GSTK1: variants seen among roughly 807,000 people sequenced by gnomAD.
GSTK1 encodes GST class-kappa.
A neutral mutation model predicts 30.9 loss-of-function variants in GSTK1; 25 were observed. The observed-to-expected ratio is 0.81, with a 90% CI of 0.59 to 1.13. The LOEUF (loss-of-function observed/expected upper bound fraction) is 1.13, where lower values mean the gene tolerates loss of function less well. Among genes scored for constraint, GSTK1 ranks in the 50% most tolerant of loss-of-function variants. The pLI, the probability that GSTK1 is intolerant of heterozygous loss-of-function variation, is 0.00. For missense variants in GSTK1, 292 were observed against 292.4 expected (o/e 1.00, Z 0.01); for synonymous variants, 108 against 112.5 (o/e 0.96, Z 0.25).
Position 143,268,957 on chromosome 7 carries a change from C to A in GSTK1, c.*120C>A. 1 of 851,896 alleles carries A rather than the reference C, an allele frequency of 1.2e-6. No individual in the cohort carries two copies. The highest frequency in any genetic ancestry group is 2.0e-6 in the Non-Finnish European group (1 of 511,162). 52.8% of individuals were successfully genotyped at this position (851,896 alleles called of 1,614,324 possible). On this transcript the variant is annotated 3_prime_UTR_variant, in exon 8 of 8. Coordinates refer to ENST00000358406, the MANE Select transcript of GSTK1 (RefSeq NM_015917.3). This position sits in a 1 kb window ranked among gnomAD's most constrained non-coding sequence, Gnocchi z 4.1. ...TATCTGATAGAGGTATTTTCTGTGG[C>A]CCTGGGAGCTGTCTGTCTTTCCCCT...
Position 143,267,716 on chromosome 7 carries a change from G to A in GSTK1, c.520G>A (p.Ala174Thr). 1.2e-6 allele frequency: 2 copies of A among 1,612,516 alleles called. No individual in the cohort carries two copies. The highest frequency in any genetic ancestry group is 1.7e-6 in the Non-Finnish European group (2 of 1,178,754). Residue 174 changes from alanine (A) to threonine (T), a missense_variant, in exon 6 of 8, where the codon GCA becomes ACA. Ala to Thr is a moderately conservative substitution (Grantham distance 58). Coordinates refer to ENST00000358406, the MANE Select transcript of GSTK1 (RefSeq NM_015917.3). ...VKNQLKETTEAACRYGAFGLP... is the reference protein window; with the variant it reads ...VKNQLKETTETACRYGAFGLP... ...GAACCAGCTCAAGGAGACCACTGAG[G>A]CAGCCTGCAGATACGGAGTGAGCAG...
intron 5 of GSTK1, among the ~76,000 whole-genome samples, chr7:143,266,254 C>A (rs979358374): frequency 3.3e-5 from 5 of 151,886 alleles, no homozygotes; most frequent in Admixed American, 6.6e-5. Flanking sequence ...TGGTCTCAAA[C>A]TCCTGTGCTC....
At chr7:143,264,337 G>C (rs1206047877) in intron 2 of GSTK1, 170 bp downstream of exon 2, 1 of 760,988 alleles carries the variant, frequency 1.3e-6, no homozygotes, top group African/African-American at 1.7e-5. Flanking sequence ...ACAGCTACTC[G>C]GGAGGCTGAG....
chr7:143,263,447 TG>T lies in GSTK1; in HGVS notation c.-64del. The T allele has an allele frequency of 6.9e-7, 1 of 1,450,768 alleles. No homozygotes were observed. The highest frequency in any genetic ancestry group is 1.1e-5 in the South Asian group (1 of 87,936). The allele number at this position is 1,450,768 out of a possible 1,614,324, so 89.9% of individuals were successfully genotyped here. On this transcript the variant is annotated 5_prime_UTR_variant, in exon 1 of 8. Coordinates refer to ENST00000358406, the MANE Select transcript of GSTK1 (RefSeq NM_015917.3). ...GGCGGTCCCAGGCAGGCCCAGAAGC[TG>T]GGCAGCCTCTGCCGGGTTCCGGGAA... is the stretch of plus-strand genomic sequence containing the variant.
chr7:143,268,701 A>G lies in GSTK1; in HGVS notation c.632-87A>G. 1.2e-5 allele frequency: 15 copies of G among 1,215,126 alleles called. No individual in the cohort carries two copies. Among genetic ancestry groups the G allele is most frequent in the Non-Finnish European group, 1.7e-5 (14 of 823,500 alleles). 75.3% of individuals were successfully genotyped at this position (1,215,126 alleles called of 1,614,324 possible). ...CTTGAAGCCAAGCAAAAGTCTTTCT[A>G]GAAAACCCCTGGGACCTTGTGGGAC... is the stretch of plus-strand genomic sequence containing the variant. On this transcript the variant is annotated intron_variant, in intron 7 of 7. Coordinates refer to ENST00000358406, the MANE Select transcript of GSTK1 (RefSeq NM_015917.3). The surrounding 1 kb of genome is among the most constrained non-coding windows in gnomAD (Gnocchi z 4.1).
At chr7:143,265,228 C>A (rs1271132290) in intron 4 of GSTK1, 33 bp from the exon 5 acceptor site, 3 of 1,605,138 alleles carry the variant, frequency 1.9e-6, no homozygotes, top group Non-Finnish European at 1.7e-6. Flanking sequence ...CCTCTCCCCG[C>A]ACCGCCTTCC....
chr7:143,264,907 G>A, intron 3 of GSTK1, 85 bp from the exon 4 acceptor site: 3 of 1,443,888 alleles, frequency 2.1e-6, no homozygotes, highest in African/African-American at 1.4e-5. Context: ...AGGAGCTCTG[G>A]GGGATGTCAG....
At position 143,265,318 on chromosome 7, in the gene GSTK1, C is replaced by G. The variant is rs779052336; in HGVS notation, c.420+22C>G. On this transcript the variant is annotated intron_variant, in intron 5 of 7. Coordinates refer to ENST00000358406, the MANE Select transcript of GSTK1 (RefSeq NM_015917.3). ...GGCGGTGAGTGTCCTGGCTCCACCC[C>G]AACTGCACTCATAGAGAATCTGAGA... The G allele has an allele frequency of 9.5e-6, 15 of 1,577,796 alleles. No homozygotes were observed. In the East Asian group the frequency reaches 3.4e-4, roughly 36 times the overall value.
chr7:143,268,707 C>A lies in GSTK1; in HGVS notation c.632-81C>A. On this transcript the variant is annotated intron_variant, in intron 7 of 7. Transcript: ENST00000358406. This position sits in a 1 kb window ranked among gnomAD's most constrained non-coding sequence, Gnocchi z 4.1. The stretch of plus-strand genomic sequence containing the variant: ...GCCAAGCAAAAGTCTTTCTAGAAAA[C>A]CCCTGGGACCTTGTGGGACCAACTC... 3.9e-6 allele frequency: 5 copies of A among 1,278,036 alleles called. No individual in the cohort carries two copies. In the South Asian group the frequency reaches 6.0e-5, roughly 15 times the overall value. The allele number at this position is 1,278,036 out of a possible 1,614,324, so 79.2% of individuals were successfully genotyped here. A position where few individuals can be genotyped will look rare whatever the true frequency, so the allele number is the denominator to read the frequency against.
chr7:143,265,329 A>C (rs748132282), intron 5 of GSTK1, 33 bp downstream of exon 5: 14 of 1,556,628 alleles, frequency 9.0e-6, no homozygotes, highest in Non-Finnish European at 1.1e-5. Flanking sequence ...AACTGCACTC[A>C]TAGAGAATCT....
Position 143,268,980 on chromosome 7 carries a change from C to G in GSTK1, c.*143C>G. On this transcript the variant is annotated 3_prime_UTR_variant, in exon 8 of 8. Coordinates refer to ENST00000358406, the MANE Select transcript of GSTK1 (RefSeq NM_015917.3). The surrounding 1 kb of genome is among the most constrained non-coding windows in gnomAD (Gnocchi z 4.1). The stretch of plus-strand genomic sequence containing the variant: ...GGCCCTGGGAGCTGTCTGTCTTTCC[C>G]CTACCCCCAAGGATGCCAGGAAGAC... 1.4e-6 allele frequency: 1 copy of G among 732,572 alleles called. No homozygotes were observed. The highest frequency in any genetic ancestry group is 2.4e-6 in the Non-Finnish European group (1 of 417,108). The allele number at this position is 732,572 out of a possible 1,614,324, so 45.4% of individuals were successfully genotyped here.
rs138572999 is a variant in GSTK1, at chr7:143,268,820, G to A, written c.664G>A (p.Val222Met). The A allele has an allele frequency of 5.9e-5, 96 of 1,613,998 alleles. No individual in the cohort carries two copies. The highest frequency in any genetic ancestry group is 1.8e-4 in the East Asian group (8 of 44,862). ...GTGGATGGGCCCTATACCTCCAGCC[G>A]TGAATGCCAGACTTTAAGATTGCCC... ...EKWMGPIPPA[V>M]NARL is the part of the protein sequence containing the mutation. The change falls in exon 8 of 8, where the codon GTG (valine) becomes ATG (methionine). Residue 222 changes from valine to methionine, a missense_variant. Coordinates refer to ENST00000358406, the MANE Select transcript of GSTK1 (RefSeq NM_015917.3). The surrounding 1 kb of genome is among the most constrained non-coding windows in gnomAD (Gnocchi z 4.1).
At chr7:143,267,937 G>A (rs1269300801) in intron 6 of GSTK1, among the ~76,000 whole-genome samples, 154 bp from the exon 7 acceptor site, 1 of 152,176 alleles carries the variant, frequency 6.6e-6, no homozygotes, top group East Asian at 1.9e-4. Flanking sequence ...AGAGAAAAGA[G>A]AGCATCTTAG....
In GSTK1 at chr7:143,268,264, G is replaced by C. The variant is rs1037503173; in HGVS notation, c.631+80G>C. ...TCCCAGCACTTTGGTAGGCTGAGGC[G>C]AGCAGAGCACGAGTTCAGGAGATTA... On this transcript the variant is annotated intron_variant, in intron 7 of 7. Coordinates refer to ENST00000358406, the MANE Select transcript of GSTK1 (RefSeq NM_015917.3). This position sits in a 1 kb window ranked among gnomAD's most constrained non-coding sequence, Gnocchi z 4.1. 9.6e-7 allele frequency: 1 copy of C among 1,041,922 alleles called. No homozygotes were observed. The highest frequency in any genetic ancestry group is 1.5e-6 in the Non-Finnish European group (1 of 689,166). 64.5% of individuals were successfully genotyped at this position (1,041,922 alleles called of 1,614,324 possible).
In GSTK1 at chr7:143,267,872, C is replaced by T. The variant is rs1310304960; in HGVS notation, c.537+139C>T. On this transcript the variant is annotated intron_variant, in intron 6 of 7. Coordinates refer to ENST00000358406, the MANE Select transcript of GSTK1 (RefSeq NM_015917.3). ...CTCAGTGCTCTTAAACAACCCTCATCTTCTTCCTTCTTTTCCTTGGGCTCA... is the reference window on the plus strand; with the variant it reads ...CTCAGTGCTCTTAAACAACCCTCATTTTCTTCCTTCTTTTCCTTGGGCTCA... The T allele has an allele frequency of 3.0e-5, 20 of 667,236 alleles. No homozygotes were observed. In the Admixed American group the frequency reaches 4.9e-4, roughly 16 times the overall value. 41.3% of individuals were successfully genotyped at this position (667,236 alleles called of 1,614,324 possible). A position where few individuals can be genotyped will look rare whatever the true frequency, so the allele number is the denominator to read the frequency against.
At position 143,263,463 on chromosome 7, in the gene GSTK1, G is replaced by C. The variant is rs768439438; in HGVS notation, c.-51G>C. On this transcript the variant is annotated 5_prime_UTR_variant, in exon 1 of 8. Coordinates refer to ENST00000358406, the MANE Select transcript of GSTK1 (RefSeq NM_015917.3). ...CCCAGAAGCTGGGCAGCCTCTGCCG[G>C]GTTCCGGGAAAAGGAGCTCCTGCTG... The C allele has an allele frequency of 5.2e-6, 8 of 1,551,130 alleles. No individual in the cohort carries two copies. Among genetic ancestry groups the C allele is most frequent in the South Asian group, 4.4e-5 (4 of 89,970 alleles).
intron 5 of GSTK1, among the ~76,000 whole-genome samples, chr7:143,266,864 C>T (rs1288781686): frequency 6.6e-6 from 1 of 151,224 alleles, no homozygotes; most frequent in Non-Finnish European, 1.5e-5. Flanking sequence ...TTTCACTTTG[C>T]TGCCCAGGCT....
Position 143,263,491 on chromosome 7 carries a change from A to T in GSTK1, c.-23A>T. 1 of 1,605,634 alleles carries T rather than the reference A, an allele frequency of 6.2e-7. No individual in the cohort carries two copies. Among genetic ancestry groups the T allele is most frequent in the East Asian group, 2.2e-5 (1 of 44,858 alleles). On this transcript the variant is annotated 5_prime_UTR_variant, in exon 1 of 8. Transcript: ENST00000358406. ...TCCGGGAAAAGGAGCTCCTGCTGCC[A>T]CTGCTCTTCCGGAGCCTGCAGCATG...
intron 6 of GSTK1, 27 bp downstream of exon 6, chr7:143,267,760 A>C (rs761266282): frequency 2.0e-6 from 3 of 1,466,264 alleles, no homozygotes. Context: ...GTGTGTTCCC[A>C]GCACCCATCC....
Sources: gnomAD v4.1 joint callset for allele counts (sites outside exome capture counted in the v4.1 genomes callset) on GRCh38, gnomAD v4.1.1 for gene constraint, Gnocchi (gnomAD v3.1) non-coding constraint, MANE v1.5 for transcripts, NCBI Gene and HGNC (gene_info 2026-07-23, HGNC 2026-07-21) for gene names.